Variants in SP1 observed in about 807,000 individuals in gnomAD.
The protein encoded by SP1 is Sp1 transcription factor, also known as transcription factor Sp1.
In SP1, 6 loss-of-function variants were observed where a neutral mutation model predicts 66.3. The observed-to-expected ratio is 0.09, with a 90% CI of 0.05 to 0.18. The LOEUF is 0.18. Ranked by LOEUF, SP1 falls within the 10% of genes least tolerant of loss-of-function variation. SP1 has a pLI of 1.00. For missense variants in SP1, 848 were observed against 964.5 expected (o/e 0.88, Z 1.60); for synonymous variants, 417 against 360.8 (o/e 1.16, Z -1.77).
Position 53,383,444 on chromosome 12 carries a change from C to T in SP1, c.1497C>T (p.Asn499=), listed in dbSNP as rs187849673. 6.2e-7 allele frequency: 1 copy of T among 1,614,226 alleles called. No individual in the cohort carries two copies. Among genetic ancestry groups the T allele is most frequent in the East Asian group, 2.2e-5 (1 of 44,886 alleles). The change falls in exon 3 of 6, where the codon AAC becomes AAT. Residue 499 remains asparagine (N), a synonymous_variant. Coordinates refer to ENST00000327443, the MANE Select transcript of SP1 (RefSeq NM_138473.3). The part of the protein sequence containing the change: ...GVSLGQTSSS[N]TTLTPIASAA... The stretch of plus-strand genomic sequence containing the variant: ...CCTTGGGGCAGACCAGCAGCAGCAA[C>T]ACCACTCTCACACCCATTGCCTCAG...
chr12:53,392,418 G>A (rs1446099976), intron 3 of SP1, among the ~76,000 whole-genome samples: 2 of 145,550 alleles, frequency 1.4e-5, no homozygotes, highest in African/African-American at 2.5e-5. Flanking sequence ...GTGCAGTGGC[G>A]GGATCTCGGC....
At chr12:53,407,485 C>T (rs894011208) in intron 4 of SP1, among the ~76,000 whole-genome samples, 25 of 151,428 alleles carry the variant, frequency 1.7e-4, no homozygotes, top group Non-Finnish European at 3.4e-4. Flanking sequence ...CCACCACGCC[C>T]GGCTAAGTTT....
intron 1 of SP1, among the ~76,000 whole-genome samples, 182 bp downstream of exon 1, chr12:53,380,480 A>G (rs1240736478): frequency 1.4e-5 from 2 of 147,688 alleles, no homozygotes; most frequent in Non-Finnish European, 3.0e-5. Context: ...GCCTCCGAGG[A>G]GGAGGGGGAT....
At chr12:53,395,904 A>G (rs1938477105) in intron 3 of SP1, among the ~76,000 whole-genome samples, 7 of 151,598 alleles carry the variant, frequency 4.6e-5, no homozygotes, top group Admixed American at 4.6e-4. Flanking sequence ...AGTGGATCAC[A>G]AGGTCAGGAG....
In SP1 at chr12:53,382,315, A is replaced by T. The variant is rs1426044387; in HGVS notation, c.368A>T (p.Gln123Leu). 1 of 1,614,194 alleles carries T rather than the reference A, an allele frequency of 6.2e-7. No individual in the cohort carries two copies. The highest frequency in any genetic ancestry group is 8.5e-7 in the Non-Finnish European group (1 of 1,180,018). Residue 123 changes from glutamine to leucine, a missense_variant, in exon 3 of 6, where the codon CAG becomes CTG. Coordinates refer to ENST00000327443, the MANE Select transcript of SP1 (RefSeq NM_138473.3). ...SSGATPTSKE[Q>L]SGSSTNGSNG... ...GGGGCTACCCCTACCTCAAAGGAAC[A>T]GAGTGGCAGCAGTACCAATGGCAGC...
At chr12:53,385,601 A>T (rs1267469433) in intron 3 of SP1, among the ~76,000 whole-genome samples, 1 of 142,414 alleles carries the variant, frequency 7.0e-6, no homozygotes, top group African/African-American at 2.6e-5. Flanking sequence ...TCTCAAAAAA[A>T]AAAAAAATAA....
chr12:53,387,511 G>T (rs1195891597), intron 3 of SP1, among the ~76,000 whole-genome samples: 1 of 152,136 alleles, frequency 6.6e-6, no homozygotes, highest in East Asian at 1.9e-4. Flanking sequence ...TGAAATCTTA[G>T]AATTGAAAGT....
rs1454652565 is a variant in SP1 at position 53,383,645 on chromosome 12, T to C, written c.1675+23T>C. On this transcript the variant is annotated intron_variant, in intron 3 of 5. Coordinates refer to ENST00000327443, the MANE Select transcript of SP1 (RefSeq NM_138473.3). ...CAGGTAAGATTTCCAATCTTGTGCA[T>C]TTATTGGGAACCAACTCTAGCATCG... 4.5e-6 allele frequency: 7 copies of C among 1,571,754 alleles called. No individual in the cohort carries two copies. The African/African-American group carries it at 8.1e-5, about 18-fold the overall frequency.
At chr12:53,398,678 C>A (rs1469317971) in intron 3 of SP1, among the ~76,000 whole-genome samples, 1 of 152,096 alleles carries the variant, frequency 6.6e-6, no homozygotes, top group Non-Finnish European at 1.5e-5. Flanking sequence ...TGGTTGTGCA[C>A]AAAGGACTGC....
chr12:53,392,268 C>G (rs1391735185), intron 3 of SP1, among the ~76,000 whole-genome samples: 2 of 151,906 alleles, frequency 1.3e-5, no homozygotes, highest in African/African-American at 4.8e-5. Context: ...GCAACCTCTG[C>G]CTCCCAAGTT....
Position 53,380,198 on chromosome 12 carries a change from C to CGGGTTCGCTTGCCTCGTCA in SP1, c.-92_-74dup. On this transcript the variant is annotated 5_prime_UTR_variant, in exon 1 of 6. Transcript: ENST00000327443. ...CTTACCCCCCCCTCCCTGTCCGGTC[C>CGGGTTCGCTTGCCTCGTCA]GGGTTCGCTTGCCTCGTCAGCGTCC... is the stretch of plus-strand genomic sequence containing the variant. 1.1e-6 allele frequency: 1 copy of CGGGTTCGCTTGCCTCGTCA among 891,638 alleles called. No homozygotes were observed. Among genetic ancestry groups the CGGGTTCGCTTGCCTCGTCA allele is most frequent in the Non-Finnish European group, 1.9e-6 (1 of 540,312 alleles). 55.2% of individuals were successfully genotyped at this position (891,638 alleles called of 1,614,324 possible).
chr12:53,396,540 C>T (rs1044051825), intron 3 of SP1, among the ~76,000 whole-genome samples: 5 of 152,176 alleles, frequency 3.3e-5, no homozygotes, highest in Non-Finnish European at 7.4e-5. Context: ...TGCACTCCAG[C>T]CTGGGCGACA....
intron 3 of SP1, among the ~76,000 whole-genome samples, chr12:53,398,650 C>G (rs574112966): frequency 1.3e-5 from 2 of 152,112 alleles, no homozygotes; most frequent in East Asian, 1.9e-4. Flanking sequence ...AGAATAAATA[C>G]GATGTGAAGG....
intron 3 of SP1, among the ~76,000 whole-genome samples, chr12:53,390,803 C>G (rs1938331927): frequency 3.9e-5 from 6 of 152,154 alleles, no homozygotes; most frequent in Admixed American, 1.3e-4. Context: ...TAAATGACGT[C>G]ATTGTTAAAT....
intron 3 of SP1, among the ~76,000 whole-genome samples, chr12:53,388,977 C>CAAAAAA (rs59161932): frequency 5.7e-5 from 8 of 140,120 alleles, no homozygotes; most frequent in African/African-American, 1.3e-4. Context: ...GAGTCCCTGT[C>CAAAAAA]AAAAAAAAAA....
chr12:53,393,497 GGT>G (rs1406538120), intron 3 of SP1, among the ~76,000 whole-genome samples: 2 of 151,544 alleles, frequency 1.3e-5, no homozygotes, highest in African/African-American at 4.9e-5. Context: ...TTTTCAGGCT[GGT>G]GTCGAACTCC....
chr12:53,383,111 A>C lies in SP1; in HGVS notation c.1164A>C (p.Gly388=), dbSNP rs746452410. The C allele has an allele frequency of 8.7e-6, 14 of 1,614,094 alleles. No individual in the cohort carries two copies. The African/African-American group carries it at 1.9e-4, about 22-fold the overall frequency. Reference sequence around the variant, plus strand: ...TGCAAGCAGGCCAGCAAAAAGAAGGAGAGCAAAACCAGCAGACACAGCAGC... The same window carrying C: ...TGCAAGCAGGCCAGCAAAAAGAAGGCGAGCAAAACCAGCAGACACAGCAGC... The part of the protein sequence containing the change: ...GSLQAGQQKE[G]EQNQQTQQQQ... The change falls in exon 3 of 6, where the codon GGA becomes GGC. Residue 388 remains glycine, a synonymous_variant. Transcript: ENST00000327443.
At chr12:53,385,184 A>C (rs893748685) in intron 3 of SP1, among the ~76,000 whole-genome samples, 1 of 151,140 alleles carries the variant, frequency 6.6e-6, no homozygotes, top group African/African-American at 2.4e-5. Flanking sequence ...AGTCCCAGCT[A>C]CTCAGGAGGC....
At chr12:53,402,460 G>A (rs971040315) in intron 3 of SP1, among the ~76,000 whole-genome samples, 3 of 151,140 alleles carry the variant, frequency 2.0e-5, no homozygotes, top group Admixed American at 1.3e-4. Flanking sequence ...CTGACCTCAT[G>A]ATCCACCCGC....
Sources: gnomAD v4.1 joint callset for allele counts (sites outside exome capture counted in the v4.1 genomes callset) on GRCh38, gnomAD v4.1.1 for gene constraint, MANE v1.5 for transcripts, NCBI Gene and HGNC (gene_info 2026-07-23, HGNC 2026-07-21) for gene names.